SNX25: variants seen among roughly 807,000 people sequenced by gnomAD.
SNX25 encodes sorting nexin-25.
In SNX25, 62 loss-of-function variants were observed where a neutral mutation model predicts 113.7. The ratio of observed to expected loss-of-function variants is 0.55; its 90% confidence interval spans 0.44 to 0.67. The LOEUF (loss-of-function observed/expected upper bound fraction) is 0.67, where lower values mean the gene tolerates loss of function less well. Among genes scored for constraint, SNX25 ranks in the 30% least tolerant of loss-of-function variants. The pLI is 0.00. For missense variants in SNX25, 1,014 were observed against 1,161.0 expected, an observed-to-expected ratio of 0.87 and a Z score of 1.84; for synonymous variants, 421 against 436.2, an observed-to-expected ratio of 0.97 and a Z score of 0.43.
intron 8 of SNX25, among the ~76,000 whole-genome samples, chr4:185,323,031 A>G (rs1166839376): frequency 6.6e-6 from 1 of 152,224 alleles, no homozygotes; most frequent in Non-Finnish European, 1.5e-5. Context: ...TGCTGAAGAC[A>G]AAGCTGTCTA....
rs549743042 is a variant in SNX25, at chr4:185,359,123, C to T, written c.2651+1386C>T. 1.5e-4 allele frequency among the ~76,000 whole-genome samples: 23 copies of T among 152,242 alleles called. No individual in the cohort carries two copies. The South Asian group carries it at 1.9e-3, about 12-fold the overall frequency. On this transcript the variant is annotated intron_variant, in intron 16 of 18. Transcript: ENST00000652585. ...ATCCCAGCATTTTGGAAGGCTGAGA[C>T]GGGCATATTGCTTCAGCCCAGAAGT...
intron 5 of SNX25, among the ~76,000 whole-genome samples, chr4:185,285,684 T>G (rs969212587): frequency 5.9e-5 from 9 of 152,188 alleles, no homozygotes; most frequent in African/African-American, 2.2e-4. Context: ...GTCCTGAGAT[T>G]GGTAGTTAGG....
intron 13 of SNX25, among the ~76,000 whole-genome samples, chr4:185,348,725 A>C (rs2095300560): frequency 6.6e-6 from 1 of 152,168 alleles, no homozygotes; most frequent in Admixed American, 6.5e-5. Context: ...TGGTGAGAAC[A>C]TTAAAAAACC....
intron 14 of SNX25, among the ~76,000 whole-genome samples, chr4:185,352,267 T>C (rs909688667): frequency 2.6e-5 from 4 of 152,166 alleles, no homozygotes; most frequent in African/African-American, 9.7e-5. Context: ...TCTAGCAAAT[T>C]GCACAGGACC....
Position 185,216,648 on chromosome 4 carries a change from T to A in SNX25, c.429+6393T>A, listed in dbSNP as rs550400762. Among the ~76,000 whole-genome samples the A allele has an allele frequency of 4.6e-5, 7 of 150,584 alleles. No homozygotes were observed. The South Asian group carries it at 1.5e-3, about 32-fold the overall frequency. Reference sequence around the variant, plus strand: ...GATTCTCCTGCCTCAGCCTCCCGAGTCACTGGGATGATAGGCGCCCGCCAC... The same window carrying A: ...GATTCTCCTGCCTCAGCCTCCCGAGACACTGGGATGATAGGCGCCCGCCAC... On this transcript the variant is annotated intron_variant, in intron 1 of 18. Transcript: ENST00000652585.
intron 1 of SNX25, among the ~76,000 whole-genome samples, chr4:185,231,086 T>C (rs1741766495): frequency 7.2e-6 from 1 of 139,268 alleles, no homozygotes; most frequent in Admixed American, 7.8e-5. Context: ...AACATGTTTC[T>C]TTTTTCCTTT....
At chr4:185,270,340 A>G (rs1416966763) in intron 5 of SNX25, among the ~76,000 whole-genome samples, 2 of 152,180 alleles carry the variant, frequency 1.3e-5, no homozygotes, top group Middle Eastern at 3.2e-3. Flanking sequence ...CCCTGCTACT[A>G]TGTGATGAAA....
intron 2 of SNX25, among the ~76,000 whole-genome samples, chr4:185,250,686 A>G (rs1213596339): frequency 6.6e-6 from 1 of 151,106 alleles, no homozygotes; most frequent in African/African-American, 2.4e-5. Flanking sequence ...GCTTTTCAAT[A>G]CAGATGGTTC....
intron 13 of SNX25, among the ~76,000 whole-genome samples, chr4:185,351,132 G>A (rs1414657821): frequency 6.6e-6 from 1 of 152,192 alleles, no homozygotes; most frequent in Non-Finnish European, 1.5e-5. Flanking sequence ...TGGGATCTGT[G>A]AGCTGTAAAG....
chr4:185,304,809 A>G (rs1579708685), intron 6 of SNX25, among the ~76,000 whole-genome samples: 1 of 152,206 alleles, frequency 6.6e-6, no homozygotes, highest in African/African-American at 2.4e-5. Flanking sequence ...ATTTGAATAT[A>G]CAAGAAAGAT....
Position 185,243,736 on chromosome 4 carries a change from T to C in SNX25, c.430-3558T>C, listed in dbSNP as rs1036526752. Among the ~76,000 whole-genome samples, 4 of 152,258 alleles carry C rather than the reference T, an allele frequency of 2.6e-5. No homozygotes were observed. In the South Asian group the frequency reaches 8.3e-4, roughly 32 times the overall value. On this transcript the variant is annotated intron_variant, in intron 1 of 18. Transcript: ENST00000652585. ...AAAGGCCTTATTCAGATGTAGTCAG[T>C]AGTGACAAACATATGTTTGCATGTT...
chr4:185,213,505 G>A (rs1171046677), intron 1 of SNX25, among the ~76,000 whole-genome samples: 1 of 152,218 alleles, frequency 6.6e-6, no homozygotes, highest in East Asian at 1.9e-4. Context: ...CAGGTGAGCA[G>A]AGCGGAGCGG....
At chr4:185,293,718 A>T (rs1006820279) in intron 6 of SNX25, among the ~76,000 whole-genome samples, 1 of 151,926 alleles carries the variant, frequency 6.6e-6, no homozygotes, top group African/African-American at 2.4e-5. Flanking sequence ...GTGATTTTTA[A>T]TTTTTTCTGT....
At chr4:185,254,952 G>A (rs141931322) in intron 2 of SNX25, among the ~76,000 whole-genome samples, 59 of 151,306 alleles carry the variant, frequency 3.9e-4, no homozygotes, top group African/African-American at 1.3e-3. Flanking sequence ...TTTAGTTGGC[G>A]TCTTGACCTT....
intron 9 of SNX25, 68 bp from the exon 10 acceptor site, chr4:185,332,527 C>T (rs2095202604): frequency 7.6e-6 from 11 of 1,439,636 alleles, no homozygotes; most frequent in East Asian, 2.3e-5. Context: ...AACAGGGTAT[C>T]GTGACCGATA....
downstream of SNX25, among the ~76,000 whole-genome samples, chr4:185,368,795 G>GTTT (rs34691416): frequency 3.8e-3 from 500 of 133,048 alleles, 6 homozygotes; most frequent in East Asian, 0.016. Flanking sequence ...AATCTGTTTT[G>GTTT]TTTTTTTTTT....
At chr4:185,375,263 C>A in the SNX25 span, among the ~76,000 whole-genome samples, 1 of 148,834 alleles carries the variant, frequency 6.7e-6, no homozygotes. Context: ...TTTAGTAGAG[C>A]CTGGCCAACA....
At chr4:185,313,750 C>T (rs2095049089) in intron 7 of SNX25, among the ~76,000 whole-genome samples, 1 of 152,082 alleles carries the variant, frequency 6.6e-6, no homozygotes, top group Non-Finnish European at 1.5e-5. Flanking sequence ...CTCCCCTGAG[C>T]AAAAATTCAC....
At chr4:185,357,617 G>A in intron 15 of SNX25, 54 bp from the exon 16 acceptor site, 3 of 1,384,674 alleles carry the variant, frequency 2.2e-6, no homozygotes, top group Non-Finnish European at 2.1e-6. Flanking sequence ...CTATGAAAAT[G>A]TCCCAAATTG....
Sources: allele counts gnomAD v4.1 joint callset (sites outside exome capture counted in the v4.1 genomes callset), GRCh38; gene constraint gnomAD v4.1.1; transcripts MANE v1.5; gene names NCBI Gene and HGNC (gene_info 2026-07-23, HGNC 2026-07-21).